Variants in NKAIN2 observed in about 807,000 individuals in gnomAD.
The protein encoded by NKAIN2 is sodium/potassium-transporting ATPase subunit beta-1-interacting protein 2.
A neutral mutation model predicts 32.6 loss-of-function variants in NKAIN2; 14 were observed. The observed-to-expected ratio is 0.43, with a 90% CI of 0.28 to 0.67. NKAIN2 has a LOEUF of 0.67. Among genes scored for constraint, NKAIN2 ranks in the 30% least tolerant of loss-of-function variants. The probability of loss-of-function intolerance (pLI) is 0.17; values close to 1 mark genes in which losing one functional copy is unlikely to be tolerated. For synonymous variants in NKAIN2, 80 were observed against 87.2 expected (o/e 0.92, Z 0.46); for missense variants, 198 against 258.3 (o/e 0.77, Z 1.60).
At chr6:124,508,335 CT>C (rs71702410) in intron 3 of NKAIN2, among the ~76,000 whole-genome samples, 9 of 148,992 alleles carry the variant, frequency 6.0e-5, no homozygotes, top group African/African-American at 9.9e-5. Context: ...TTGTATTAGT[CT>C]TTTTTTTTTC....
At chr6:124,230,872 G>A in intron 1 of NKAIN2, among the ~76,000 whole-genome samples, 1 of 152,152 alleles carries the variant, frequency 6.6e-6, no homozygotes. Context: ...TAAGGTTGGA[G>A]ACCCCACACA....
At chr6:123,999,557 C>G (rs1159556358) in intron 1 of NKAIN2, among the ~76,000 whole-genome samples, 1 of 152,110 alleles carries the variant, frequency 6.6e-6, no homozygotes, top group East Asian at 1.9e-4. Context: ...AAAAGTACTT[C>G]TGATTTAAGT....
chr6:124,586,923 C>T (rs566464516), intron 3 of NKAIN2, among the ~76,000 whole-genome samples: 2 of 152,220 alleles, frequency 1.3e-5, no homozygotes, highest in Admixed American at 6.5e-5. Context: ...TGAGAGAAGC[C>T]ACACTAAAAG....
chr6:123,937,947 A>G (rs1776594467), intron 1 of NKAIN2, among the ~76,000 whole-genome samples: 1 of 40,792 alleles, frequency 2.5e-5, no homozygotes, highest in Admixed American at 2.5e-4. Context: ...TGTAGCCAGC[A>G]GTGTCCTTTC....
intron 3 of NKAIN2, among the ~76,000 whole-genome samples, chr6:124,614,690 C>CCG (rs10641454): frequency 2.1e-5 from 2 of 97,356 alleles, no homozygotes; most frequent in Non-Finnish European, 4.3e-5. Flanking sequence ...GTCCCAAAGA[C>CCG]CCCCCCAATT....
At chr6:124,193,706 T>C (rs550504479) in intron 1 of NKAIN2, among the ~76,000 whole-genome samples, 1 of 152,232 alleles carries the variant, frequency 6.6e-6, no homozygotes, top group African/African-American at 2.4e-5. Context: ...GAACGAGGTA[T>C]GCAGACAAGT....
intron 3 of NKAIN2, among the ~76,000 whole-genome samples, chr6:124,511,767 C>A (rs1449725220): frequency 1.3e-5 from 2 of 152,228 alleles, no homozygotes; most frequent in East Asian, 3.9e-4. Context: ...GCTCATCTAT[C>A]CTTGTGCTCC....
At chr6:124,739,972 G>A (rs1225154503) in intron 4 of NKAIN2, among the ~76,000 whole-genome samples, 1 of 151,846 alleles carries the variant, frequency 6.6e-6, no homozygotes, top group Non-Finnish European at 1.5e-5. Flanking sequence ...CTCTGGTGTT[G>A]GGAGTGCCCC....
chr6:124,757,157 A>G (rs1032896226), intron 4 of NKAIN2, among the ~76,000 whole-genome samples: 5 of 152,122 alleles, frequency 3.3e-5, no homozygotes, highest in African/African-American at 4.8e-5. Flanking sequence ...CTGAAATTTT[A>G]TGCTAAAGGA....
rs950300341 is a variant in NKAIN2 at position 124,799,168 on chromosome 6, C to T, written c.535+7769C>T. On this transcript the variant is annotated intron_variant, in intron 5 of 6. Coordinates refer to ENST00000368417, the MANE Select transcript of NKAIN2 (RefSeq NM_001040214.3). ...CAACACCTGAGACAGATGCTACATG[C>T]GAATTTTCCTCCTGTCAATCAAATT... Among the ~76,000 whole-genome samples, 4 of 152,152 alleles carry T rather than the reference C, an allele frequency of 2.6e-5. No homozygotes were observed. In the East Asian group the frequency reaches 5.8e-4, roughly 22 times the overall value.
At chr6:124,542,249 T>G (rs534050283) in intron 3 of NKAIN2, among the ~76,000 whole-genome samples, 17 of 152,154 alleles carry the variant, frequency 1.1e-4, no homozygotes, top group African/African-American at 1.7e-4. Context: ...AACTGGAATT[T>G]AAGAAGACAA....
chr6:124,070,251 A>G (rs892639670), intron 1 of NKAIN2, among the ~76,000 whole-genome samples: 2 of 152,178 alleles, frequency 1.3e-5, no homozygotes, highest in African/African-American at 4.8e-5. Context: ...TGTCCAGAGC[A>G]TGACTTCCAG....
chr6:124,306,022 C>CAGAATAAAATATATATTTGATGTA (rs1796494674), intron 2 of NKAIN2, among the ~76,000 whole-genome samples: 1 of 152,012 alleles, frequency 6.6e-6, no homozygotes, highest in African/African-American at 2.4e-5. Flanking sequence ...TTGTCATCAC[C>CAGAATAAAATATATATTTGATGTA]CTCACCCTCA....
At chr6:124,715,700 T>C (rs895424997) in intron 4 of NKAIN2, among the ~76,000 whole-genome samples, 1 of 152,198 alleles carries the variant, frequency 6.6e-6, no homozygotes, top group East Asian at 1.9e-4. Flanking sequence ...TCCTGCCCCC[T>C]GTCACTGCCT....
At chr6:123,978,188 A>G (rs1011174562) in intron 1 of NKAIN2, among the ~76,000 whole-genome samples, 4 of 152,156 alleles carry the variant, frequency 2.6e-5, no homozygotes, top group African/African-American at 9.7e-5. Flanking sequence ...TTATTTGTCC[A>G]GTTGCAGTTG....
In NKAIN2 at chr6:123,804,055, C is replaced by T. The variant is rs1350724020; in HGVS notation, c.-146C>T. 3.8e-6 allele frequency: 3 copies of T among 797,088 alleles called. No homozygotes were observed. Among genetic ancestry groups the T allele is most frequent in the African/African-American group, 3.4e-5 (2 of 59,446 alleles). 49.4% of individuals were successfully genotyped at this position (797,088 alleles called of 1,614,324 possible). A position where few individuals can be genotyped will look rare whatever the true frequency, so the allele number is the denominator to read the frequency against. Reference sequence around the variant, plus strand: ...CAGCAGGTCCTAATGCCTGTCACTTCCCAGGACGCTGGCAGCAGCAGCAGC... The same window carrying T: ...CAGCAGGTCCTAATGCCTGTCACTTTCCAGGACGCTGGCAGCAGCAGCAGC... On this transcript the variant is annotated 5_prime_UTR_variant, in exon 1 of 7. Coordinates refer to ENST00000368417, the MANE Select transcript of NKAIN2 (RefSeq NM_001040214.3).
intron 3 of NKAIN2, among the ~76,000 whole-genome samples, chr6:124,488,250 TG>T (rs1344074414): frequency 6.6e-6 from 1 of 152,074 alleles, no homozygotes; most frequent in Non-Finnish European, 1.5e-5. Context: ...ACTGTTAGTT[TG>T]TGTCAACCTA....
chr6:124,732,575 C>T (rs1776736412), intron 4 of NKAIN2, among the ~76,000 whole-genome samples: 1 of 152,010 alleles, frequency 6.6e-6, no homozygotes, highest in African/African-American at 2.4e-5. Flanking sequence ...CAATAATTTA[C>T]TTTTTCTTTG....
chr6:124,355,957 G>A (rs992820959), intron 3 of NKAIN2, among the ~76,000 whole-genome samples: 2 of 152,148 alleles, frequency 1.3e-5, no homozygotes, highest in Non-Finnish European at 2.9e-5. Flanking sequence ...TTCAGATCTC[G>A]AACACCATCA....
Sources: gnomAD v4.1 joint callset for allele counts (sites outside exome capture counted in the v4.1 genomes callset) on GRCh38, gnomAD v4.1.1 for gene constraint, MANE v1.5 for transcripts, NCBI Gene and HGNC (gene_info 2026-07-23, HGNC 2026-07-21) for gene names.